DSCAML1: variants seen among roughly 807,000 people sequenced by gnomAD.
The protein encoded by DSCAML1 is DS cell adhesion molecule like 1, also known as cell adhesion molecule DSCAML1.
DSCAML1 carries 38 observed loss-of-function variants against 200.5 expected under a neutral mutation model. The ratio of observed to expected loss-of-function variants is 0.19; its 90% CI spans 0.15 to 0.25. The LOEUF (loss-of-function observed/expected upper bound fraction) is 0.25. DSCAML1 is among the 10% of genes least tolerant of loss of function. DSCAML1 has a pLI of 1.00. For synonymous variants in DSCAML1, 1,215 were observed against 1,165.0 expected (o/e 1.04, Z -0.87); for missense variants, 2,223 against 2,858.8 (o/e 0.78, Z 5.07).
intron 3 of DSCAML1, among the ~76,000 whole-genome samples, chr11:117,685,910 C>T (rs571207782): frequency 6.6e-6 from 1 of 152,194 alleles, no homozygotes; most frequent in Non-Finnish European, 1.5e-5. Flanking sequence ...GCATTTGAGG[C>T]TCATTTTTGG....
At chr11:117,789,727 G>A (rs1011109734) in intron 1 of DSCAML1, among the ~76,000 whole-genome samples, 2 of 152,196 alleles carry the variant, frequency 1.3e-5, no homozygotes, top group Admixed American at 6.5e-5. Flanking sequence ...TCAAGTGGAA[G>A]AGGGCTTTGC....
chr11:117,458,004 G>A (rs1369512341), intron 19 of DSCAML1, among the ~76,000 whole-genome samples: 2 of 152,228 alleles, frequency 1.3e-5, no homozygotes, highest in African/African-American at 4.8e-5. Flanking sequence ...GCTGGTACTG[G>A]GAGGGGAAGA....
chr11:117,471,765 C>A, intron 15 of DSCAML1, 104 bp downstream of exon 15: 1 of 1,376,644 alleles, frequency 7.3e-7, no homozygotes, highest in East Asian at 2.3e-5. Flanking sequence ...CCCACGCCAC[C>A]CCCTTTAACT....
At chr11:117,456,900 C>T (rs557057194) in intron 19 of DSCAML1, among the ~76,000 whole-genome samples, 103 of 152,100 alleles carry the variant, frequency 6.8e-4, no homozygotes, top group African/African-American at 2.5e-3. Context: ...GTCTCGCACT[C>T]CTGACCTTAG....
At chr11:117,520,474 A>C (rs554704953) in intron 6 of DSCAML1, among the ~76,000 whole-genome samples, 24 of 152,162 alleles carry the variant, frequency 1.6e-4, no homozygotes, top group Middle Eastern at 3.4e-3. Flanking sequence ...CTAATACTGA[A>C]ATTCTAGTAA....
chr11:117,476,366 C>T (rs1592637127), intron 14 of DSCAML1, among the ~76,000 whole-genome samples: 1 of 152,142 alleles, frequency 6.6e-6, no homozygotes, highest in African/African-American at 2.4e-5. Context: ...CTAATTTTCT[C>T]CTTGGATCAC....
chr11:117,691,631 T>C (rs886633893), intron 3 of DSCAML1, among the ~76,000 whole-genome samples: 2 of 152,178 alleles, frequency 1.3e-5, no homozygotes, highest in African/African-American at 4.8e-5. Flanking sequence ...GGAAGTCGGA[T>C]TCGTTCCCTG....
chr11:117,736,695 C>T (rs1591455103), intron 3 of DSCAML1, among the ~76,000 whole-genome samples: 1 of 152,248 alleles, frequency 6.6e-6, no homozygotes, highest in Admixed American at 6.5e-5. Flanking sequence ...CTTTCCCTGA[C>T]ACACACACAT....
At chr11:117,810,298 A>T (rs2055750504) in intron 1 of DSCAML1, among the ~76,000 whole-genome samples, 1 of 152,130 alleles carries the variant, frequency 6.6e-6, no homozygotes, top group African/African-American at 2.4e-5. Flanking sequence ...AGTACCCCTC[A>T]ACCCCTTCTC....
Position 117,505,761 on chromosome 11 carries a change from G to T in DSCAML1, c.1784-29C>A. ...GGAAGGCAAGCGGGTGCTGCCGTCA[G>T]GACCCTGTGCATTCTCACCTGGCCG... On this transcript the variant is annotated intron_variant, in intron 8 of 32. Transcript: ENST00000651296. This position sits in a 1 kb window ranked among gnomAD's most constrained non-coding sequence, Gnocchi z 6.7. The T allele has an allele frequency of 6.3e-7, 1 of 1,592,246 alleles. No homozygotes were observed.
intron 3 of DSCAML1, among the ~76,000 whole-genome samples, chr11:117,708,166 C>T (rs1314566742): frequency 1.3e-5 from 2 of 152,158 alleles, no homozygotes; most frequent in Admixed American, 6.5e-5. Flanking sequence ...CACATTAATT[C>T]TGTGGAGTCA....
chr11:117,635,304 T>C (rs1470426483), intron 3 of DSCAML1, among the ~76,000 whole-genome samples: 1 of 152,122 alleles, frequency 6.6e-6, no homozygotes, highest in East Asian at 1.9e-4. Context: ...GCAAATTCAG[T>C]TTTACCATTT....
chr11:117,732,405 C>A (rs537774063), intron 3 of DSCAML1, among the ~76,000 whole-genome samples: 1 of 152,178 alleles, frequency 6.6e-6, no homozygotes, highest in South Asian at 2.1e-4. Context: ...CACACCGAGT[C>A]TTCTTTCTTG....
intron 3 of DSCAML1, among the ~76,000 whole-genome samples, chr11:117,561,509 C>T (rs2050662706): frequency 6.6e-6 from 1 of 152,204 alleles, no homozygotes; most frequent in South Asian, 2.1e-4. Flanking sequence ...AGTCATGTCT[C>T]CAAGCATCCT....
intron 21 of DSCAML1, among the ~76,000 whole-genome samples, chr11:117,443,490 C>T (rs944754426): frequency 7.9e-5 from 12 of 152,396 alleles, no homozygotes; most frequent in African/African-American, 2.6e-4. Flanking sequence ...CGGGGGCTCT[C>T]CTTTGAGCCT....
At chr11:117,539,126 G>A (rs1009802543) in intron 3 of DSCAML1, among the ~76,000 whole-genome samples, 2 of 152,018 alleles carry the variant, frequency 1.3e-5, no homozygotes, top group African/African-American at 4.8e-5. Context: ...AAAACTCTAC[G>A]GCAGTTTTGT....
intron 3 of DSCAML1, among the ~76,000 whole-genome samples, chr11:117,710,226 G>A (rs9919589): frequency 0.01 from 1,542 of 152,208 alleles, 23 homozygotes; most frequent in African/African-American, 0.034. Context: ...AAAAATCTAC[G>A]TAGTAATTTC....
chr11:117,666,649 T>A (rs1008187913), intron 3 of DSCAML1, among the ~76,000 whole-genome samples: 5 of 152,138 alleles, frequency 3.3e-5, no homozygotes, highest in Admixed American at 6.5e-5. Flanking sequence ...GTGGGGAGTA[T>A]GAGGCCTGAG....
At chr11:117,501,634 G>T (rs2049397479) in intron 11 of DSCAML1, among the ~76,000 whole-genome samples, 1 of 152,290 alleles carries the variant, frequency 6.6e-6, no homozygotes, top group East Asian at 1.9e-4. Flanking sequence ...GACAGGAGGG[G>T]TGTGAGAAAC....
Sources: gnomAD v4.1 joint callset for allele counts (sites outside exome capture counted in the v4.1 genomes callset) on GRCh38, gnomAD v4.1.1 for gene constraint, Gnocchi (gnomAD v3.1) non-coding constraint, MANE v1.5 for transcripts, NCBI Gene and HGNC (gene_info 2026-07-23, HGNC 2026-07-21) for gene names.